The following SGCZ variants were observed in gnomAD, a reference collection of about 807,000 sequenced individuals.
The protein encoded by SGCZ is zeta-sarcoglycan.
Under a neutral mutation model 41.3 loss-of-function variants are expected in SGCZ, and 40 were observed. The ratio of observed to expected loss-of-function variants is 0.97; its 90% CI spans 0.75 to 1.26. SGCZ has a LOEUF of 1.26. Among genes scored for constraint, SGCZ ranks in the 50% most tolerant of loss-of-function variants. SGCZ has a pLI of 0.00. For missense variants in SGCZ, 552 were observed against 369.8 expected (o/e 1.49, Z -4.04); for synonymous variants, 206 against 137.5 (o/e 1.50, Z -3.49).
At chr8:14,645,490 A>ATATATATATATATATATT (rs1807183089) in intron 1 of SGCZ, among the ~76,000 whole-genome samples, 1 of 145,904 alleles carries the variant, frequency 6.9e-6, no homozygotes, top group East Asian at 2.1e-4. Context: ...ATATGTATAT[A>ATATATATATATATATATT]TATATATATA....
intron 1 of SGCZ, among the ~76,000 whole-genome samples, chr8:15,135,951 A>T (rs1044249651): frequency 6.6e-6 from 1 of 152,182 alleles, no homozygotes; most frequent in Non-Finnish European, 1.5e-5. Context: ...ATGCAAATTA[A>T]GGAGATTATG....
chr8:14,876,201 C>A (rs1223130989), intron 1 of SGCZ, among the ~76,000 whole-genome samples: 3 of 152,080 alleles, frequency 2.0e-5, no homozygotes, highest in African/African-American at 7.2e-5. Flanking sequence ...TACTTTCAGG[C>A]CCCTAGCAAA....
At chr8:14,111,829 C>T (rs1161552337) in intron 5 of SGCZ, among the ~76,000 whole-genome samples, 1 of 152,146 alleles carries the variant, frequency 6.6e-6, no homozygotes. Flanking sequence ...GATTATGGTC[C>T]TACTTTGTAT....
chr8:14,098,786 G>GAGTA (rs1801923239), intron 7 of SGCZ, among the ~76,000 whole-genome samples: 1 of 152,126 alleles, frequency 6.6e-6, no homozygotes, highest in Non-Finnish European at 1.5e-5. Flanking sequence ...ATGACTGTAA[G>GAGTA]AGTAAGTAAG....
intron 3 of SGCZ, among the ~76,000 whole-genome samples, chr8:14,299,280 C>T (rs778393337): frequency 4.6e-5 from 7 of 151,850 alleles, no homozygotes; most frequent in Non-Finnish European, 8.8e-5. Context: ...TTTCTCAGAA[C>T]ACAGAAAGCA....
intron 1 of SGCZ, among the ~76,000 whole-genome samples, chr8:14,634,111 T>A (rs1806748705): frequency 6.6e-6 from 1 of 151,888 alleles, no homozygotes; most frequent in South Asian, 2.1e-4. Context: ...ACCAGCTAGC[T>A]ATTCTACTGT....
At chr8:14,990,305 T>TC (rs1039341195) in intron 1 of SGCZ, among the ~76,000 whole-genome samples, 42 of 152,196 alleles carry the variant, frequency 2.8e-4, no homozygotes, top group African/African-American at 9.9e-4. Flanking sequence ...TTTTAAAAAG[T>TC]CCCTTGAGGC....
At chr8:14,400,058 C>T (rs189228130) in intron 2 of SGCZ, among the ~76,000 whole-genome samples, 206 of 152,092 alleles carry the variant, frequency 1.4e-3, no homozygotes, top group African/African-American at 4.8e-3. Context: ...TGCTAATCTA[C>T]TTTATGTCTC....
chr8:14,514,783 ATGTGTGTGTG>A (rs200862544), intron 2 of SGCZ, among the ~76,000 whole-genome samples: 2,541 of 100,334 alleles, frequency 0.025, 49 homozygotes, highest in African/African-American at 0.06. Context: ...ATATATGTAA[ATGTGTGTGTG>A]TGTGTGTGTG....
intron 3 of SGCZ, among the ~76,000 whole-genome samples, chr8:14,292,195 C>A (rs2116947962): frequency 6.6e-6 from 1 of 152,092 alleles, no homozygotes; most frequent in South Asian, 2.1e-4. Context: ...AAATAACAGA[C>A]TATGGCTTTA....
At chr8:14,896,187 G>C (rs17120473) in intron 1 of SGCZ, among the ~76,000 whole-genome samples, 11,262 of 152,108 alleles carry the variant, frequency 0.074, 533 homozygotes, top group African/African-American at 0.13. Context: ...CTTTTATTTT[G>C]GTCACATTGT....
intron 1 of SGCZ, among the ~76,000 whole-genome samples, chr8:15,013,688 TACTTA>T (rs1183283265): frequency 6.6e-6 from 1 of 152,196 alleles, no homozygotes; most frequent in African/African-American, 2.4e-5. Context: ...TTGGACAAAT[TACTTA>T]ACTTTAATAA....
intron 1 of SGCZ, among the ~76,000 whole-genome samples, chr8:14,730,136 C>A (rs1435272206): frequency 6.6e-6 from 1 of 152,110 alleles, no homozygotes. Flanking sequence ...CAAGTTTAGA[C>A]CCTTGGCCAT....
At chr8:14,306,318 G>T (rs1801352100) in intron 3 of SGCZ, among the ~76,000 whole-genome samples, 1 of 152,130 alleles carries the variant, frequency 6.6e-6, no homozygotes, top group African/African-American at 2.4e-5. Context: ...CCTGCTAGAA[G>T]CTATGTAGCT....
rs77709190 is a variant in SGCZ, at chr8:14,196,322, G to A, written c.425-31620C>T. On this transcript the variant is annotated intron_variant, in intron 4 of 7. Coordinates refer to ENST00000382080, the MANE Select transcript of SGCZ (RefSeq NM_139167.4). ...CTTGTTGCCCAGGCTGGAGTGCAAT[G>A]GTGTGATCTCCTGTCACAGCAACTT... Among the ~76,000 whole-genome samples, 601 of 151,028 alleles carry A rather than the reference G, an allele frequency of 4.0e-3. 4 individuals carry two copies. The highest frequency in any genetic ancestry group is 0.014 in the African/African-American group (572 of 41,188).
intron 1 of SGCZ, among the ~76,000 whole-genome samples, chr8:14,815,150 T>C (rs1801863847): frequency 6.6e-6 from 1 of 152,178 alleles, no homozygotes; most frequent in African/African-American, 2.4e-5. Flanking sequence ...AATTAGTAAG[T>C]GTATGTTGAG....
chr8:15,144,115 T>G (rs1457796158), intron 1 of SGCZ, among the ~76,000 whole-genome samples: 3 of 152,364 alleles, frequency 2.0e-5, no homozygotes, highest in African/African-American at 7.2e-5. Context: ...TCTGTTTCAT[T>G]TCTGCTTTCT....
chr8:14,668,165 G>A (rs1293454923), intron 1 of SGCZ, among the ~76,000 whole-genome samples: 3 of 152,084 alleles, frequency 2.0e-5, no homozygotes, highest in African/African-American at 4.8e-5. Flanking sequence ...TCACCATGTT[G>A]GCCAGGCTAG....
At chr8:14,524,996 A>G (rs879537446) in intron 2 of SGCZ, among the ~76,000 whole-genome samples, 1 of 152,076 alleles carries the variant, frequency 6.6e-6, no homozygotes, top group Non-Finnish European at 1.5e-5. Context: ...CCTCACCACT[A>G]TTCTGACTAG....
Sources: allele counts gnomAD v4.1 joint callset (sites outside exome capture counted in the v4.1 genomes callset), GRCh38; gene constraint gnomAD v4.1.1; transcripts MANE v1.5; gene names NCBI Gene and HGNC (gene_info 2026-07-23, HGNC 2026-07-21).